HYDIN: variants seen among roughly 807,000 people sequenced by gnomAD.
The protein encoded by HYDIN is HYDIN axonemal central pair apparatus protein.
In HYDIN, 132 loss-of-function variants were observed where a neutral mutation model predicts 403.9. The observed-to-expected ratio is 0.33, with a 90% CI of 0.28 to 0.38. HYDIN has a LOEUF of 0.38. HYDIN is among the 10% of genes least tolerant of loss of function. HYDIN has a pLI of 1.00. For synonymous variants in HYDIN, 1,202 were observed against 1,891.7 expected, an observed-to-expected ratio of 0.64 and a Z score of 9.46; for missense variants, 2,827 against 5,009.5, an observed-to-expected ratio of 0.56 and a Z score of 13.15.
intron 9 of HYDIN, among the ~76,000 whole-genome samples, chr16:71,124,483 A>C (rs975419232): frequency 3.3e-5 from 5 of 151,650 alleles, no homozygotes; most frequent in African/African-American, 7.3e-5. Flanking sequence ...AGAGCCTCTG[A>C]AACAGGAACA....
chr16:71,041,499 TAG>T lies in HYDIN; in HGVS notation c.2530-9584_2530-9583del, dbSNP rs1379121016. The stretch of plus-strand genomic sequence containing the variant: ...AGGGGATTAGTTAAATCAACTGTGG[TAG>T]AGTCAAATGATGCAATAAAACTAGC... On this transcript the variant is annotated intron_variant, in intron 18 of 85. Transcript: ENST00000393567. 2.6e-5 allele frequency among the ~76,000 whole-genome samples: 4 copies of T among 152,098 alleles called. No individual in the cohort carries two copies. In the East Asian group the frequency reaches 5.8e-4, roughly 22 times the overall value.
At chr16:70,879,227 C>T (rs1774322) in intron 62 of HYDIN, 70 bp downstream of exon 62, 1 of 1,300,976 alleles carries the variant, frequency 7.7e-7, no homozygotes, top group African/African-American at 1.5e-5. Flanking sequence ...ATGGCAGAGG[C>T]CCCAGTGGCA....
At chr16:71,098,199 CTTTCTTT>C (rs1441801295) in intron 10 of HYDIN, among the ~76,000 whole-genome samples, 9 of 133,070 alleles carry the variant, frequency 6.8e-5, no homozygotes, top group African/African-American at 2.3e-4. Flanking sequence ...ATAAAACTTT[CTTTCTTT>C]TTTTTTTTTT....
chr16:70,896,646 A>G (rs1394576905), intron 53 of HYDIN, among the ~76,000 whole-genome samples: 1 of 145,312 alleles, frequency 6.9e-6, no homozygotes. Flanking sequence ...GTGAGCCATC[A>G]TGCCCAACTG....
intron 59 of HYDIN, among the ~76,000 whole-genome samples, 176 bp from the exon 60 acceptor site, chr16:70,883,071 C>T (rs1486754754): frequency 6.6e-6 from 1 of 152,240 alleles, no homozygotes; most frequent in Non-Finnish European, 1.5e-5. Context: ...CTCTTTTGTA[C>T]AGTCCTTGCT....
chr16:71,107,602 G>A (rs1456762537), intron 10 of HYDIN, among the ~76,000 whole-genome samples: 1 of 151,900 alleles, frequency 6.6e-6, no homozygotes, highest in Non-Finnish European at 1.5e-5. Flanking sequence ...TAGAGAAATG[G>A]AAGTCAAAAC....
chr16:70,966,593 A>G (rs2078582357), intron 36 of HYDIN, among the ~76,000 whole-genome samples: 1 of 148,436 alleles, frequency 6.7e-6, no homozygotes, highest in African/African-American at 2.5e-5. Context: ...GCAGCAAAAG[A>G]TAACAAATAT....
At chr16:71,160,162 C>T (rs530735540) in intron 6 of HYDIN, among the ~76,000 whole-genome samples, 1 of 88,106 alleles carries the variant, frequency 1.1e-5, no homozygotes, top group Non-Finnish European at 2.0e-5. Flanking sequence ...TAAATAAATG[C>T]ATAAATGAGC....
chr16:71,017,286 G>A (rs1035259148), intron 23 of HYDIN, among the ~76,000 whole-genome samples: 2 of 150,240 alleles, frequency 1.3e-5, no homozygotes, highest in African/African-American at 4.9e-5. Flanking sequence ...GGAGGCAGAG[G>A]TTGCAGTGAG....
chr16:71,030,363 T>G (rs942537633), intron 19 of HYDIN, among the ~76,000 whole-genome samples: 9 of 151,846 alleles, frequency 5.9e-5, no homozygotes, highest in Non-Finnish European at 8.8e-5. Context: ...AGCCCAAACC[T>G]TATATATGTG....
chr16:70,890,780 T>C (rs1597236066), intron 57 of HYDIN, among the ~76,000 whole-genome samples: 1 of 152,158 alleles, frequency 6.6e-6, no homozygotes, highest in South Asian at 2.1e-4. Flanking sequence ...TTGGAACAAC[T>C]ATTAAGGTAG....
At position 70,894,433 on chromosome 16, in the gene HYDIN, A is replaced by AT; in HGVS notation, c.9248+15dup. ...GGCGGACTTGATGGCCTTACATCTG[A>AT]TGGGATTCCAGTTACCTGAACGCGA... On this transcript the variant is annotated intron_variant, in intron 55 of 85. Transcript: ENST00000393567. 6.2e-7 allele frequency: 1 copy of AT among 1,606,214 alleles called. No individual in the cohort carries two copies. Among genetic ancestry groups the AT allele is most frequent in the African/African-American group, 1.3e-5 (1 of 74,454 alleles).
intron 83 of HYDIN, among the ~76,000 whole-genome samples, chr16:70,818,932 C>T (rs1024536459): frequency 2.0e-5 from 3 of 151,910 alleles, no homozygotes; most frequent in Non-Finnish European, 2.9e-5. Flanking sequence ...TTCTTTCTTT[C>T]GAGAAGGAGT....
intron 22 of HYDIN, among the ~76,000 whole-genome samples, chr16:71,018,760 G>A (rs2080354468): frequency 6.6e-6 from 1 of 152,298 alleles, no homozygotes; most frequent in South Asian, 2.1e-4. Flanking sequence ...TGTTGTGTGG[G>A]GTTATAAGAA....
chr16:71,105,178 T>C (rs1184794253), intron 10 of HYDIN, among the ~76,000 whole-genome samples: 2 of 151,762 alleles, frequency 1.3e-5, no homozygotes, highest in Non-Finnish European at 2.9e-5. Flanking sequence ...ATGAATACAC[T>C]GAAGAGTAGA....
chr16:70,922,971 T>A (rs1459756935), intron 45 of HYDIN, among the ~76,000 whole-genome samples: 3 of 151,874 alleles, frequency 2.0e-5, no homozygotes, highest in African/African-American at 7.2e-5. Flanking sequence ...TTTTGCCATG[T>A]TGCCCAGGCT....
chr16:70,822,060 T>A (rs1056122912), intron 83 of HYDIN, among the ~76,000 whole-genome samples: 4 of 152,224 alleles, frequency 2.6e-5, no homozygotes, highest in African/African-American at 9.6e-5. Context: ...GGAGTCATTT[T>A]GACTTTCAAG....
chr16:71,139,516 T>G (rs1318195035), intron 7 of HYDIN, among the ~76,000 whole-genome samples: 1 of 152,004 alleles, frequency 6.6e-6, no homozygotes, highest in African/African-American at 2.4e-5. Flanking sequence ...TGAAGCCATA[T>G]GTAGGAAATA....
chr16:70,810,926 G>A (rs973967470), intron 84 of HYDIN, among the ~76,000 whole-genome samples: 1 of 152,162 alleles, frequency 6.6e-6, no homozygotes, highest in African/African-American at 2.4e-5. Flanking sequence ...TTCCAGAAAT[G>A]CATATATAGT....
Sources: gnomAD v4.1 joint callset for allele counts (sites outside exome capture counted in the v4.1 genomes callset) on GRCh38, gnomAD v4.1.1 for gene constraint, MANE v1.5 for transcripts, NCBI Gene and HGNC (gene_info 2026-07-23, HGNC 2026-07-21) for gene names.